GRM7: variants seen among roughly 807,000 people sequenced by gnomAD.
The protein encoded by GRM7 is glutamate metabotropic receptor 7, also known as metabotropic glutamate receptor 7.
A neutral mutation model predicts 84.5 loss-of-function variants in GRM7; 35 were observed. The ratio of observed to expected loss-of-function variants is 0.41; its 90% CI spans 0.32 to 0.55. The LOEUF (loss-of-function observed/expected upper bound fraction) is 0.55. Among genes scored for constraint, GRM7 ranks in the 20% least tolerant of loss-of-function variants. The probability of loss-of-function intolerance (pLI) is 0.19; values close to 1 mark genes in which losing one functional copy is unlikely to be tolerated. For missense variants in GRM7, 1,003 were observed against 1,194.6 expected, an observed-to-expected ratio of 0.84 and a Z score of 2.36; for synonymous variants, 487 against 455.1, an observed-to-expected ratio of 1.07 and a Z score of -0.89.
chr3:7,264,960 C>T (rs1318022836), intron 2 of GRM7, among the ~76,000 whole-genome samples: 1 of 152,158 alleles, frequency 6.6e-6, no homozygotes, highest in Non-Finnish European at 1.5e-5. Flanking sequence ...TTTCATTGGA[C>T]CTATATGCAT....
At chr3:7,323,631 T>C (rs1023546436) in intron 4 of GRM7, among the ~76,000 whole-genome samples, 4 of 152,202 alleles carry the variant, frequency 2.6e-5, no homozygotes, top group African/African-American at 9.6e-5. Flanking sequence ...CTGCTTCTTA[T>C]ACTCTTTTCT....
chr3:6,934,385 G>T (rs6790772), intron 1 of GRM7, among the ~76,000 whole-genome samples: 1 of 151,914 alleles, frequency 6.6e-6, no homozygotes, highest in African/African-American at 2.4e-5. Context: ...AAGGTACCAT[G>T]AAAACTGCCC....
chr3:7,457,156 A>G (rs1698052353), intron 6 of GRM7, among the ~76,000 whole-genome samples: 1 of 152,176 alleles, frequency 6.6e-6, no homozygotes, highest in Non-Finnish European at 1.5e-5. Context: ...CTGTTACATT[A>G]GTACAAAATT....
rs1336783487 is a variant in GRM7, at chr3:7,276,249, G to GTGTGTATATATA, written c.737-22434_737-22433insGTGTATATATAT. Among the ~76,000 whole-genome samples the GTGTGTATATATA allele has an allele frequency of 1.1e-4, 16 of 143,664 alleles. No individual in the cohort carries two copies. The South Asian group carries it at 3.3e-3, about 30-fold the overall frequency. The allele number at this position is 143,664 out of a possible 152,430, so 94.2% of individuals were successfully genotyped here. On this transcript the variant is annotated intron_variant, in intron 2 of 9. Transcript: ENST00000357716. The stretch of plus-strand genomic sequence containing the variant: ...TGTGTGTGTGTGTGTGTGTGTGTGT[G>GTGTGTATATATA]TATATATAATTGTCCTCTCAATGTA...
intron 1 of GRM7, among the ~76,000 whole-genome samples, chr3:6,876,222 C>T (rs182098344): frequency 6.6e-5 from 10 of 151,802 alleles, no homozygotes; most frequent in Admixed American, 2.6e-4. Context: ...GAGCCGAGAT[C>T]GCACCACTGC....
Position 7,452,947 on chromosome 3 carries a change from T to C in GRM7, c.1375+140T>C, listed in dbSNP as rs1575357941. 2.6e-5 allele frequency: 16 copies of C among 612,384 alleles called. No homozygotes were observed. In the East Asian group the frequency reaches 4.1e-4, roughly 16 times the overall value. The allele number at this position is 612,384 out of a possible 1,614,324, so 37.9% of individuals were successfully genotyped here. A position where few individuals can be genotyped will look rare whatever the true frequency, so the allele number is the denominator to read the frequency against. ...ATAAAACTTTAAATGATTGAATCAATGCATGAATGAGCAAATGAATGTAAG... is the reference window on the plus strand; with the variant it reads ...ATAAAACTTTAAATGATTGAATCAACGCATGAATGAGCAAATGAATGTAAG... On this transcript the variant is annotated intron_variant, in intron 6 of 9. Coordinates refer to ENST00000357716, the MANE Select transcript of GRM7 (RefSeq NM_000844.4).
At chr3:7,304,308 C>CTTTTTTTTTT (rs34986687) in intron 3 of GRM7, among the ~76,000 whole-genome samples, 1 of 98,042 alleles carries the variant, frequency 1.0e-5, no homozygotes, top group Non-Finnish European at 2.1e-5. Flanking sequence ...ATCATCCATC[C>CTTTTTTTTTT]TTTTTTTTTT....
chr3:7,362,190 G>T (rs1026304892), intron 4 of GRM7, among the ~76,000 whole-genome samples: 1 of 152,036 alleles, frequency 6.6e-6, no homozygotes, highest in Non-Finnish European at 1.5e-5. Context: ...TTGTAACAGC[G>T]TAATTAATGT....
chr3:7,629,716 A>G (rs1466733880), intron 8 of GRM7, among the ~76,000 whole-genome samples: 3 of 152,218 alleles, frequency 2.0e-5, no homozygotes, highest in Non-Finnish European at 4.4e-5. Flanking sequence ...CTTGCCGTCT[A>G]AAACCTAACA....
intron 1 of GRM7, among the ~76,000 whole-genome samples, chr3:7,077,117 T>A (rs1476079221): frequency 6.6e-6 from 1 of 152,156 alleles, no homozygotes. Flanking sequence ...GCTTTTACAC[T>A]GTGGGTGGGA....
intron 7 of GRM7, among the ~76,000 whole-genome samples, chr3:7,464,607 G>A (rs569129861): frequency 1.3e-5 from 2 of 151,980 alleles, no homozygotes; most frequent in South Asian, 4.2e-4. Flanking sequence ...GAGGTGGGCA[G>A]ATCACGAGGT....
chr3:7,163,504 G>T (rs1444849553), intron 2 of GRM7, among the ~76,000 whole-genome samples: 1 of 152,160 alleles, frequency 6.6e-6, no homozygotes, highest in Non-Finnish European at 1.5e-5. Flanking sequence ...TGCAGCTAGG[G>T]GTTTTGAGTA....
chr3:7,680,308 C>T lies in GRM7; in HGVS notation c.2698+13C>T. On this transcript the variant is annotated intron_variant, in intron 9 of 9. Coordinates refer to ENST00000357716, the MANE Select transcript of GRM7 (RefSeq NM_000844.4). Reference sequence around the variant, plus strand: ...GTAGACCCAAACAGTAAGTAACTCTCCGTTTCTTTCATCTTCCCACCCTGC... The same window carrying T: ...GTAGACCCAAACAGTAAGTAACTCTTCGTTTCTTTCATCTTCCCACCCTGC... 6.2e-7 allele frequency: 1 copy of T among 1,613,028 alleles called. No homozygotes were observed. The highest frequency in any genetic ancestry group is 8.5e-7 in the Non-Finnish European group (1 of 1,179,112).
chr3:7,250,420 C>T (rs1443204866), intron 2 of GRM7, among the ~76,000 whole-genome samples: 3 of 151,560 alleles, frequency 2.0e-5, no homozygotes, highest in African/African-American at 7.3e-5. Context: ...GATAAATAAG[C>T]ACTCATTTAC....
chr3:7,646,657 A>G (rs1299667720), intron 8 of GRM7, among the ~76,000 whole-genome samples: 1 of 152,156 alleles, frequency 6.6e-6, no homozygotes, highest in Non-Finnish European at 1.5e-5. Context: ...CCAAAAAAAG[A>G]CAGCCACAAA....
intron 7 of GRM7, among the ~76,000 whole-genome samples, chr3:7,548,623 G>A (rs1693285969): frequency 6.6e-6 from 1 of 152,176 alleles, no homozygotes; most frequent in African/African-American, 2.4e-5. Flanking sequence ...GGGAAGCAGA[G>A]CCATCTGTTA....
intron 9 of GRM7, among the ~76,000 whole-genome samples, chr3:7,706,934 A>G (rs1701409633): frequency 6.6e-6 from 1 of 152,326 alleles, no homozygotes; most frequent in Non-Finnish European, 1.5e-5. Flanking sequence ...GTCTCCAAGG[A>G]GCCAGACCTC....
At chr3:7,118,036 A>G (rs942917604) in intron 1 of GRM7, among the ~76,000 whole-genome samples, 1 of 152,176 alleles carries the variant, frequency 6.6e-6, no homozygotes, top group Non-Finnish European at 1.5e-5. Context: ...ACAAAAATAG[A>G]AGGACAATTT....
At chr3:7,517,760 GTC>G (rs2124986082) in intron 7 of GRM7, among the ~76,000 whole-genome samples, 1 of 152,144 alleles carries the variant, frequency 6.6e-6, no homozygotes, top group East Asian at 1.9e-4. Context: ...TATTAACACT[GTC>G]TGGGGATTAT....
Sources: allele counts gnomAD v4.1 joint callset (sites outside exome capture counted in the v4.1 genomes callset), GRCh38; gene constraint gnomAD v4.1.1; transcripts MANE v1.5; gene names NCBI Gene and HGNC (gene_info 2026-07-23, HGNC 2026-07-21).